The following MAGI1 variants were observed in gnomAD, a reference collection of about 807,000 sequenced individuals.
MAGI1 encodes the protein membrane-associated guanylate kinase, WW and PDZ domain-containing protein 1.
MAGI1 carries 58 observed loss-of-function variants against 139.9 expected under a neutral mutation model. The observed-to-expected ratio is 0.41, with a 90% CI of 0.34 to 0.52. MAGI1 has a LOEUF of 0.52. Ranked by LOEUF, MAGI1 falls within the 20% of genes least tolerant of loss-of-function variation. MAGI1 has a pLI of 0.12. For synonymous variants in MAGI1, 812 were observed against 737.9 expected (o/e 1.10, Z -1.63); for missense variants, 1,874 against 1,901.6 (o/e 0.99, Z 0.27).
In MAGI1 at chr3:65,639,337, A is replaced by G. The variant is rs2084839431; in HGVS notation, c.314-17249T>C. Among the ~76,000 whole-genome samples the G allele has an allele frequency of 2.6e-5, 4 of 152,168 alleles. No individual in the cohort carries two copies. The South Asian group carries it at 8.3e-4, about 31-fold the overall frequency. On this transcript the variant is annotated intron_variant, in intron 1 of 22. Coordinates refer to ENST00000402939, the MANE Select transcript of MAGI1 (RefSeq NM_001033057.2). ...ATGTTGAAATGAAGTCTAATTTATC[A>G]ATTTTTATGGTTATTTTTTCTCTAT... is the stretch of plus-strand genomic sequence containing the variant.
At chr3:65,381,098 G>A (rs1943015206) in intron 16 of MAGI1, among the ~76,000 whole-genome samples, 1 of 152,104 alleles carries the variant, frequency 6.6e-6, no homozygotes, top group Non-Finnish European at 1.5e-5. Flanking sequence ...TTTCAAGGTG[G>A]GAGCTGCATC....
chr3:65,400,272 C>T lies in MAGI1; in HGVS notation c.2199+1167G>A, dbSNP rs141970111. 1.7e-4 allele frequency among the ~76,000 whole-genome samples: 26 copies of T among 152,258 alleles called. 2 individuals are homozygous for T. The highest frequency in any genetic ancestry group is 5.3e-4 in the African/African-American group (22 of 41,550). On this transcript the variant is annotated intron_variant, in intron 13 of 22. Transcript: ENST00000402939. The stretch of plus-strand genomic sequence containing the variant: ...TCCAATCACCACGGCACTATGCCAT[C>T]GGAATCACATCAATTATTGCAGGTT...
At chr3:65,819,326 G>T (rs939350644) in intron 1 of MAGI1, among the ~76,000 whole-genome samples, 9 of 151,924 alleles carry the variant, frequency 5.9e-5, no homozygotes, top group African/African-American at 1.9e-4. Flanking sequence ...AATAAACAAG[G>T]CATATGATCT....
chr3:65,410,036 C>T (rs1945660911), intron 12 of MAGI1, among the ~76,000 whole-genome samples: 3 of 152,204 alleles, frequency 2.0e-5, no homozygotes, highest in Admixed American at 2.0e-4. Flanking sequence ...GAGCCTTTCA[C>T]CTCAAAGTCA....
intron 1 of MAGI1, among the ~76,000 whole-genome samples, chr3:65,962,450 G>T (rs180749815): frequency 7.2e-5 from 11 of 152,146 alleles, no homozygotes; most frequent in Non-Finnish European, 1.6e-4. Flanking sequence ...GTGTACTAAA[G>T]TTCCTCCAGG....
chr3:65,573,481 T>C (rs978801042), intron 2 of MAGI1, among the ~76,000 whole-genome samples: 1 of 151,970 alleles, frequency 6.6e-6, no homozygotes, highest in East Asian at 1.9e-4. Context: ...AAAATCCACA[T>C]AGTCCTCTCA....
At chr3:65,944,080 A>G (rs902471810) in intron 1 of MAGI1, among the ~76,000 whole-genome samples, 2 of 152,184 alleles carry the variant, frequency 1.3e-5, no homozygotes, top group African/African-American at 4.8e-5. Flanking sequence ...TCTGTGCCTA[A>G]CTCAAGTAGC....
chr3:65,553,652 T>A (rs2079954389), intron 2 of MAGI1, among the ~76,000 whole-genome samples: 1 of 152,202 alleles, frequency 6.6e-6, no homozygotes, highest in African/African-American at 2.4e-5. Context: ...GACAAATGAA[T>A]AAATAAGAGT....
chr3:65,638,719 G>T (rs921161277), intron 1 of MAGI1, among the ~76,000 whole-genome samples: 2 of 140,632 alleles, frequency 1.4e-5, no homozygotes, highest in African/African-American at 2.6e-5. Flanking sequence ...TGATTCTCCT[G>T]CCTCAACCAC....
intron 18 of MAGI1, among the ~76,000 whole-genome samples, chr3:65,368,327 A>T (rs975348416): frequency 2.6e-5 from 4 of 152,336 alleles, no homozygotes; most frequent in East Asian, 1.9e-4. Context: ...ATCCTTTATT[A>T]AACAGTGTTT....
chr3:65,997,574 T>C (rs1224728732), intron 1 of MAGI1, among the ~76,000 whole-genome samples: 1 of 152,110 alleles, frequency 6.6e-6, no homozygotes, highest in Non-Finnish European at 1.5e-5. Flanking sequence ...GAGAATGGCA[T>C]GAACCTGGGA....
intron 2 of MAGI1, among the ~76,000 whole-genome samples, chr3:65,619,666 T>G (rs1488210799): frequency 6.6e-6 from 1 of 152,108 alleles, no homozygotes; most frequent in East Asian, 1.9e-4. Flanking sequence ...CTTGGCTTTC[T>G]CAGTCACATG....
At chr3:65,926,464 C>T (rs1415103803) in intron 1 of MAGI1, among the ~76,000 whole-genome samples, 1 of 151,842 alleles carries the variant, frequency 6.6e-6, no homozygotes, top group Non-Finnish European at 1.5e-5. Context: ...CTAAGACCTG[C>T]TGGACTGTAT....
intron 2 of MAGI1, among the ~76,000 whole-genome samples, chr3:65,508,375 G>A (rs1222923253): frequency 6.6e-6 from 1 of 151,938 alleles, no homozygotes; most frequent in Non-Finnish European, 1.5e-5. Flanking sequence ...CTGCACTCCT[G>A]CCTGGGTGAC....
chr3:65,864,942 C>T (rs2059671344), intron 1 of MAGI1, among the ~76,000 whole-genome samples: 1 of 152,132 alleles, frequency 6.6e-6, no homozygotes, highest in South Asian at 2.1e-4. Context: ...CACTAAGCAG[C>T]ACTCCTCTTC....
chr3:65,957,955 C>T (rs1351361264), intron 1 of MAGI1, among the ~76,000 whole-genome samples: 2 of 151,808 alleles, frequency 1.3e-5, no homozygotes, highest in African/African-American at 4.8e-5. Context: ...AAGGGGGTTT[C>T]ACCATGTTGT....
At chr3:65,591,129 C>A (rs1325603061) in intron 2 of MAGI1, among the ~76,000 whole-genome samples, 1 of 152,058 alleles carries the variant, frequency 6.6e-6, no homozygotes, top group Non-Finnish European at 1.5e-5. Context: ...CATGGTACAG[C>A]AAAATTTTCC....
chr3:65,579,721 C>A (rs1253172961), intron 2 of MAGI1, among the ~76,000 whole-genome samples: 1 of 151,998 alleles, frequency 6.6e-6, no homozygotes, highest in South Asian at 2.1e-4. Flanking sequence ...GTGACAGGAG[C>A]CTGTAATCCC....
chr3:65,644,090 G>T (rs1368480079), intron 1 of MAGI1, among the ~76,000 whole-genome samples: 1 of 152,200 alleles, frequency 6.6e-6, no homozygotes, highest in Admixed American at 6.5e-5. Context: ...AAGAAGAGGA[G>T]TGGGAAACCT....
Sources: gnomAD v4.1 joint callset for allele counts (sites outside exome capture counted in the v4.1 genomes callset) on GRCh38, gnomAD v4.1.1 for gene constraint, MANE v1.5 for transcripts, NCBI Gene and HGNC (gene_info 2026-07-23, HGNC 2026-07-21) for gene names.